The following LRP1B variants were observed in gnomAD, a reference collection of about 807,000 sequenced individuals.
LRP1B encodes low-density lipoprotein receptor-related protein 1B.
In LRP1B, 217 loss-of-function variants were observed where a neutral mutation model predicts 556.6. The observed-to-expected ratio is 0.39, with a 90% CI of 0.35 to 0.44. The LOEUF is 0.44. LRP1B is among the 20% of genes least tolerant of loss of function. The pLI is 1.00. For synonymous variants in LRP1B, 2,047 were observed against 1,865.8 expected (o/e 1.10, Z -2.50); for missense variants, 5,053 against 5,620.8 (o/e 0.90, Z 3.23).
At chr2:141,771,514 T>C (rs1403533937) in intron 2 of LRP1B, among the ~76,000 whole-genome samples, 1 of 152,160 alleles carries the variant, frequency 6.6e-6, no homozygotes, top group Admixed American at 6.5e-5. Context: ...TGAACTAAAA[T>C]TGCATTGGAA....
At chr2:140,627,685 A>G (rs547689319) in intron 41 of LRP1B, among the ~76,000 whole-genome samples, 1 of 152,316 alleles carries the variant, frequency 6.6e-6, no homozygotes, top group Admixed American at 6.5e-5. Flanking sequence ...CTATCCTATT[A>G]GTCCTATCCC....
intron 66 of LRP1B, among the ~76,000 whole-genome samples, chr2:140,417,671 C>T (rs1009950045): frequency 1.3e-5 from 2 of 152,142 alleles, no homozygotes; most frequent in African/African-American, 2.4e-5. Context: ...GGAGTGGCTG[C>T]CATGACTGCA....
chr2:141,512,455 A>C, intron 2 of LRP1B, among the ~76,000 whole-genome samples: 1 of 152,026 alleles, frequency 6.6e-6, no homozygotes, highest in South Asian at 2.1e-4. Flanking sequence ...CTCCAGACTC[A>C]CTGTTCCTTT....
intron 32 of LRP1B, among the ~76,000 whole-genome samples, chr2:140,780,064 GA>G (rs1689645133): frequency 6.7e-6 from 1 of 149,978 alleles, no homozygotes; most frequent in Non-Finnish European, 1.5e-5. Flanking sequence ...GAAGGAAGAA[GA>G]AAAAAAGAAA....
intron 7 of LRP1B, among the ~76,000 whole-genome samples, chr2:141,088,811 T>C (rs1236403472): frequency 6.6e-6 from 1 of 152,148 alleles, no homozygotes; most frequent in East Asian, 1.9e-4. Flanking sequence ...GTCCTTTAAA[T>C]CGATGTCAAA....
chr2:140,578,707 T>C (rs1010924986), intron 43 of LRP1B, among the ~76,000 whole-genome samples: 5 of 145,544 alleles, frequency 3.4e-5, no homozygotes, highest in African/African-American at 1.3e-4. Context: ...AACCTGCACG[T>C]AGTGCACATG....
intron 3 of LRP1B, among the ~76,000 whole-genome samples, chr2:141,474,088 TC>T (rs1682609451): frequency 6.7e-6 from 1 of 148,158 alleles, no homozygotes; most frequent in South Asian, 2.4e-4. Flanking sequence ...CTCCCTCCCT[TC>T]CTTTCCTCCG....
At chr2:141,291,913 G>C (rs1387400877) in intron 3 of LRP1B, among the ~76,000 whole-genome samples, 2 of 131,906 alleles carry the variant, frequency 1.5e-5, no homozygotes, top group Non-Finnish European at 3.3e-5. Flanking sequence ...TACAAAATTT[G>C]ACTTATTGTA....
In LRP1B at chr2:140,363,644, C is replaced by T. The variant is rs551749501; in HGVS notation, c.11131+1017G>A. Among the ~76,000 whole-genome samples the T allele has an allele frequency of 4.6e-5, 7 of 151,486 alleles. No homozygotes were observed. The East Asian group carries it at 1.4e-3, about 30-fold the overall frequency. ...GCTGAAACTTAGTTGCATTACTCAT[C>T]ATAATGAGTTGTATCTATAGAAAAA... On this transcript the variant is annotated intron_variant, in intron 72 of 90. Transcript: ENST00000389484.
chr2:140,717,949 T>C (rs1009262858), intron 35 of LRP1B, among the ~76,000 whole-genome samples: 6 of 152,080 alleles, frequency 3.9e-5, no homozygotes, highest in Non-Finnish European at 7.4e-5. Context: ...TCCAAATATA[T>C]GTCTAGAAAG....
At chr2:142,102,578 T>A (rs997581713) in intron 1 of LRP1B, among the ~76,000 whole-genome samples, 1 of 151,808 alleles carries the variant, frequency 6.6e-6, no homozygotes, top group Admixed American at 6.6e-5. Flanking sequence ...GTAATTACAT[T>A]CTTAAAATTA....
intron 35 of LRP1B, among the ~76,000 whole-genome samples, chr2:140,722,600 G>A (rs899122663): frequency 6.6e-6 from 1 of 152,070 alleles, no homozygotes; most frequent in Non-Finnish European, 1.5e-5. Flanking sequence ...TATCTACCTT[G>A]GCTGATAGTG....
chr2:141,089,384 A>G (rs1364100465), intron 7 of LRP1B, among the ~76,000 whole-genome samples: 2 of 152,194 alleles, frequency 1.3e-5, no homozygotes, highest in Non-Finnish European at 2.9e-5. Flanking sequence ...TGGCAGATAT[A>G]TTCTTTTGTT....
intron 66 of LRP1B, among the ~76,000 whole-genome samples, chr2:140,392,800 G>A (rs1372937357): frequency 1.3e-5 from 2 of 152,102 alleles, no homozygotes; most frequent in African/African-American, 4.8e-5. Flanking sequence ...ATTTAAGGAT[G>A]TTTTCATGCT....
At chr2:141,499,225 A>G (rs1238605512) in intron 2 of LRP1B, among the ~76,000 whole-genome samples, 1 of 152,116 alleles carries the variant, frequency 6.6e-6, no homozygotes, top group Non-Finnish European at 1.5e-5. Flanking sequence ...TTACAGGTGC[A>G]GAAATAGAGA....
intron 1 of LRP1B, among the ~76,000 whole-genome samples, chr2:142,124,915 CTAT>C (rs1707583465): frequency 2.0e-5 from 3 of 151,110 alleles, no homozygotes; most frequent in African/African-American, 7.3e-5. Flanking sequence ...GGATGTATGG[CTAT>C]TATTTAATAG....
intron 74 of LRP1B, 149 bp downstream of exon 74, chr2:140,357,829 CT>C (rs1374198979): frequency 8.6e-6 from 7 of 815,446 alleles, no homozygotes; most frequent in African/African-American, 3.4e-5. Flanking sequence ...AAGTAATATT[CT>C]AATGTTGCTT....
At chr2:141,416,272 G>T (rs922060401) in intron 3 of LRP1B, among the ~76,000 whole-genome samples, 1 of 152,026 alleles carries the variant, frequency 6.6e-6, no homozygotes, top group Non-Finnish European at 1.5e-5. Context: ...TTTTGGTTCT[G>T]CCATTCATGA....
chr2:140,243,793 CTT>C (rs1215575248), intron 87 of LRP1B, among the ~76,000 whole-genome samples: 2 of 151,084 alleles, frequency 1.3e-5, no homozygotes, highest in African/African-American at 4.8e-5. Flanking sequence ...ATGTCTAACT[CTT>C]TCTTGCTCCA....
Sources: gnomAD v4.1 joint callset for allele counts (sites outside exome capture counted in the v4.1 genomes callset) on GRCh38, gnomAD v4.1.1 for gene constraint, MANE v1.5 for transcripts, NCBI Gene and HGNC (gene_info 2026-07-23, HGNC 2026-07-21) for gene names.